VPS50: variants seen among roughly 807,000 people sequenced by gnomAD.
The protein encoded by VPS50 is syndetin.
Under a neutral mutation model 139.7 loss-of-function variants are expected in VPS50, and 70 were observed. That is an observed-to-expected ratio of 0.50 (90% CI 0.41 to 0.61). VPS50 has a LOEUF of 0.61. VPS50 is among the 20% of genes least tolerant of loss of function. VPS50 has a pLI of 0.00. For missense variants in VPS50, 921 were observed against 1,133.7 expected (o/e 0.81, Z 2.69); for synonymous variants, 365 against 376.7 (o/e 0.97, Z 0.36).
chr7:93,238,430 C>A (rs1469836831), intron 1 of VPS50, among the ~76,000 whole-genome samples: 1 of 151,882 alleles, frequency 6.6e-6, no homozygotes. Flanking sequence ...TTACTCATTT[C>A]TTTGTTGTTT....
intron 2 of VPS50, among the ~76,000 whole-genome samples, chr7:93,243,670 G>T (rs1795062159): frequency 6.6e-6 from 1 of 151,816 alleles, no homozygotes. Context: ...AACATGAAAG[G>T]TATTTTACTT....
At chr7:93,334,377 AC>A (rs1460861292) in intron 22 of VPS50, among the ~76,000 whole-genome samples, 180 bp downstream of exon 22, 1 of 152,224 alleles carries the variant, frequency 6.6e-6, no homozygotes, top group Non-Finnish European at 1.5e-5. Context: ...AAACTAGTAT[AC>A]ATAAAAGAAT....
intron 22 of VPS50, 39 bp from the exon 23 acceptor site, chr7:93,341,388 G>A (rs768874808): frequency 4.1e-6 from 6 of 1,478,534 alleles, no homozygotes; most frequent in Non-Finnish European, 5.5e-6. Flanking sequence ...ATTACTGTTA[G>A]ATTTGTTATT....
At chr7:93,347,248 G>C (rs1798423525) in intron 23 of VPS50, among the ~76,000 whole-genome samples, 1 of 142,424 alleles carries the variant, frequency 7.0e-6, no homozygotes, top group Non-Finnish European at 1.5e-5. Context: ...CTGGCCATCA[G>C]AGAAATGCAA....
At chr7:93,296,914 C>G (rs1796828088) in intron 15 of VPS50, 78 bp downstream of exon 15, 1 of 1,475,014 alleles carries the variant, frequency 6.8e-7, no homozygotes, top group Non-Finnish European at 8.9e-7. Context: ...GAGTTATCAT[C>G]TATAACTTCT....
At chr7:93,251,248 T>C (rs538947502) in intron 2 of VPS50, among the ~76,000 whole-genome samples, 45 of 152,302 alleles carry the variant, frequency 3.0e-4, no homozygotes, top group Non-Finnish European at 5.4e-4. Flanking sequence ...GCGGCACTAT[T>C]CACAATAGCA....
At chr7:93,328,770 G>A (rs115008799) in intron 21 of VPS50, among the ~76,000 whole-genome samples, 2,536 of 152,206 alleles carry the variant, frequency 0.017, 88 homozygotes, top group African/African-American at 0.058. Context: ...AGTGGAGCTA[G>A]AAAACTGGAA....
chr7:93,265,091 C>T (rs983726981), intron 9 of VPS50, among the ~76,000 whole-genome samples: 4 of 152,042 alleles, frequency 2.6e-5, no homozygotes, highest in Admixed American at 6.6e-5. Context: ...CCCATTCACC[C>T]GTCACTTTCC....
intron 11 of VPS50, among the ~76,000 whole-genome samples, chr7:93,274,485 C>T (rs534966219): frequency 2.0e-5 from 3 of 152,162 alleles, no homozygotes; most frequent in African/African-American, 7.2e-5. Context: ...GATAGCACAT[C>T]GATTACAACA....
rs747206649 is a variant in VPS50 at position 93,272,710 on chromosome 7, T to A, written c.778T>A (p.Tyr260Asn). 7 of 1,550,356 alleles carry A rather than the reference T, an allele frequency of 4.5e-6. No individual in the cohort carries two copies. The highest frequency in any genetic ancestry group is 6.1e-6 in the Non-Finnish European group (7 of 1,139,552). ...CCATTATACCAAGGTTCAACAAGCT[T>A]ATCGACTTCTTGGAAAAACACAGGT... ...INHYTKVQQAYRLLGKTQTAM... is the reference protein window; with the variant it reads ...INHYTKVQQANRLLGKTQTAM... Residue 260 changes from tyrosine (Y) to asparagine (N), a missense_variant, in exon 11 of 28, where the codon TAT becomes AAT. Tyr to Asn is a moderately radical substitution (Grantham distance 143). Around this residue, in one of 3 missense-constraint regions of VPS50, gnomAD observed 744 missense variants for 930.6 expected, o/e 0.80. Coordinates refer to ENST00000305866, the MANE Select transcript of VPS50 (RefSeq NM_017667.4).
chr7:93,296,093 T>G (rs1210178958), intron 14 of VPS50, among the ~76,000 whole-genome samples: 3 of 152,224 alleles, frequency 2.0e-5, no homozygotes, highest in African/African-American at 7.2e-5. Context: ...AAACATAAAT[T>G]TCTTCATGAA....
chr7:93,235,251 G>A (rs1419794694), intron 1 of VPS50, among the ~76,000 whole-genome samples: 1 of 152,152 alleles, frequency 6.6e-6, no homozygotes, highest in African/African-American at 2.4e-5. Flanking sequence ...GAGGAGAAGA[G>A]TAGTGGGAGA....
At chr7:93,330,107 A>T (rs1348040056) in intron 21 of VPS50, among the ~76,000 whole-genome samples, 1 of 152,228 alleles carries the variant, frequency 6.6e-6, no homozygotes, top group Non-Finnish European at 1.5e-5. Context: ...GATGTATTAC[A>T]TATAAAAACT....
At chr7:93,291,110 G>T (rs1404607282) in intron 12 of VPS50, among the ~76,000 whole-genome samples, 1 of 152,068 alleles carries the variant, frequency 6.6e-6, no homozygotes, top group Non-Finnish European at 1.5e-5. Flanking sequence ...TTTTTACAAA[G>T]GGAAGCAAAA....
intron 17 of VPS50, among the ~76,000 whole-genome samples, chr7:93,305,450 G>GTTTTAC (rs142791970): frequency 0.015 from 2,307 of 151,984 alleles, 67 homozygotes; most frequent in African/African-American, 0.053. Context: ...AAAGAGAAGT[G>GTTTTAC]TTTAACAATT....
At chr7:93,344,105 C>T (rs1319319360) in intron 23 of VPS50, among the ~76,000 whole-genome samples, 2 of 152,120 alleles carry the variant, frequency 1.3e-5, no homozygotes, top group Admixed American at 1.3e-4. Flanking sequence ...CAGAGACACA[C>T]ATAGGCTCAA....
Position 93,232,493 on chromosome 7 carries a change from C to T in VPS50, c.26C>T (p.Thr9Ile), listed in dbSNP as rs756485309. The change falls in exon 1 of 28, where the codon ACC becomes ATC. Residue 9 changes from threonine to isoleucine, a missense_variant. Thr to Ile is a moderately conservative substitution (Grantham distance 89). Around this residue, in one of 3 missense-constraint regions of VPS50, gnomAD observed 744 missense variants for 930.6 expected, o/e 0.80. Transcript: ENST00000305866. The part of the protein sequence containing the change: MQKIKSLM[T>I]RQGLKSPQES... ...ATGCAAAAAATCAAATCTCTCATGA[C>T]CCGACAGGTAAGTCGCGGCGGCTGA... The T allele has an allele frequency of 6.2e-7, 1 of 1,613,494 alleles. No individual in the cohort carries two copies. The highest frequency in any genetic ancestry group is 1.3e-5 in the African/African-American group (1 of 75,000).
chr7:93,327,368 G>A (rs1010010678), intron 21 of VPS50, among the ~76,000 whole-genome samples: 1 of 151,532 alleles, frequency 6.6e-6, no homozygotes, highest in Non-Finnish European at 1.5e-5. Context: ...GATAAGATGT[G>A]TTAAAATAAA....
chr7:93,245,444 CTGA>C (rs936289034), intron 2 of VPS50, among the ~76,000 whole-genome samples: 1 of 151,738 alleles, frequency 6.6e-6, no homozygotes, highest in Non-Finnish European at 1.5e-5. Flanking sequence ...GAGAAAGTGT[CTGA>C]TGAGATGTTC....
Sources: allele counts gnomAD v4.1 joint callset (sites outside exome capture counted in the v4.1 genomes callset), GRCh38; gene constraint gnomAD v4.1.1; regional missense constraint gnomAD v4.1.1; transcripts MANE v1.5; gene names NCBI Gene and HGNC (gene_info 2026-07-23, HGNC 2026-07-21).